The following TNPO1 variants were observed in gnomAD, a reference collection of about 807,000 sequenced individuals.
The protein encoded by TNPO1 is transportin-1.
A neutral mutation model predicts 119.5 loss-of-function variants in TNPO1; 8 were observed. The observed-to-expected ratio is 0.07, with a 90% CI of 0.04 to 0.12. TNPO1 has a LOEUF of 0.12. Ranked by LOEUF, TNPO1 falls within the 10% of genes least tolerant of loss-of-function variation. TNPO1 has a pLI of 1.00. For synonymous variants in TNPO1, 362 were observed against 363.0 expected, an observed-to-expected ratio of 1.00 and a Z score of 0.03; for missense variants, 576 against 1,089.8, an observed-to-expected ratio of 0.53 and a Z score of 6.64.
intron 9 of TNPO1, chr5:72,879,024 C>G: frequency 2.5e-6 from 1 of 397,590 alleles, no homozygotes; most frequent in South Asian, 2.0e-5. Context: ...CTGTGTTGTT[C>G]TTTGTTTTAT....
chr5:72,867,043 A>G (rs1245512053), intron 6 of TNPO1, among the ~76,000 whole-genome samples: 1 of 151,964 alleles, frequency 6.6e-6, no homozygotes. Context: ...AGCTGAGTGT[A>G]GTGGTGTATG....
intron 18 of TNPO1, among the ~76,000 whole-genome samples, chr5:72,893,959 T>TA (rs1349026719): frequency 6.6e-6 from 1 of 152,266 alleles, no homozygotes; most frequent in East Asian, 1.9e-4. Context: ...TACTTTAGAG[T>TA]AAAGGACATG....
intron 9 of TNPO1, among the ~76,000 whole-genome samples, chr5:72,880,364 T>C (rs573198592): frequency 1.3e-5 from 2 of 152,346 alleles, no homozygotes; most frequent in South Asian, 4.1e-4. Flanking sequence ...TTTACAAAAT[T>C]GTTTTGGCTT....
intron 24 of TNPO1, among the ~76,000 whole-genome samples, chr5:72,906,902 C>T (rs538366118): frequency 3.7e-4 from 56 of 152,316 alleles, no homozygotes; most frequent in African/African-American, 1.3e-3. Context: ...ACATATCTGA[C>T]TGGAAGCCAG....
chr5:72,820,718 A>G (rs1393153568), intron 1 of TNPO1, among the ~76,000 whole-genome samples: 2 of 152,164 alleles, frequency 1.3e-5, no homozygotes, highest in Non-Finnish European at 2.9e-5. Flanking sequence ...TTTATATCAT[A>G]TACATATTCA....
At chr5:72,828,504 G>T (rs116716714) in intron 1 of TNPO1, among the ~76,000 whole-genome samples, 1 of 151,826 alleles carries the variant, frequency 6.6e-6, no homozygotes, top group Non-Finnish European at 1.5e-5. Context: ...TGCTTCTCTC[G>T]CTGTCTCTAC....
At chr5:72,823,327 T>C (rs1744062240) in intron 1 of TNPO1, among the ~76,000 whole-genome samples, 9 of 152,148 alleles carry the variant, frequency 5.9e-5, no homozygotes, top group Admixed American at 5.9e-4. Flanking sequence ...TTGATAAGAA[T>C]GTACATAACT....
chr5:72,904,798 CG>C (rs1271983899), intron 23 of TNPO1, among the ~76,000 whole-genome samples: 3 of 151,918 alleles, frequency 2.0e-5, no homozygotes. Context: ...ACTCTGTCCC[CG>C]CCACACACAC....
chr5:72,891,003 A>G (rs1033924895), intron 14 of TNPO1, among the ~76,000 whole-genome samples: 1 of 151,916 alleles, frequency 6.6e-6, no homozygotes, highest in African/African-American at 2.4e-5. Context: ...ACAGGCGTGT[A>G]CCACCATTCC....
At chr5:72,820,095 T>C (rs889586274) in intron 1 of TNPO1, among the ~76,000 whole-genome samples, 4 of 152,234 alleles carry the variant, frequency 2.6e-5, no homozygotes, top group South Asian at 2.1e-4. Context: ...GTTGAGACTT[T>C]ACTATGTGAG....
At chr5:72,837,541 G>A (rs1744736958) in intron 1 of TNPO1, among the ~76,000 whole-genome samples, 2 of 152,166 alleles carry the variant, frequency 1.3e-5, no homozygotes, top group Admixed American at 6.5e-5. Context: ...AATTTTGGAG[G>A]GATACAAACA....
intron 3 of TNPO1, among the ~76,000 whole-genome samples, chr5:72,852,887 G>A (rs535044695): frequency 4.3e-4 from 66 of 152,226 alleles, no homozygotes; most frequent in African/African-American, 1.4e-3. Flanking sequence ...TGATATTTGC[G>A]ATACATTGCT....
At chr5:72,831,215 C>A (rs572074939) in intron 1 of TNPO1, among the ~76,000 whole-genome samples, 1 of 152,098 alleles carries the variant, frequency 6.6e-6, no homozygotes, top group South Asian at 2.1e-4. Context: ...GTCTCAAGAA[C>A]CATTGTAGAA....
At chr5:72,889,127 G>A (rs1748867894) in intron 13 of TNPO1, among the ~76,000 whole-genome samples, 1 of 152,004 alleles carries the variant, frequency 6.6e-6, no homozygotes. Flanking sequence ...GTGTGATCTT[G>A]GCTTACTGTA....
At position 72,841,266 on chromosome 5, in the gene TNPO1, CG is replaced by C. The variant is rs367740326; in HGVS notation, c.16-7118del. On this transcript the variant is annotated intron_variant, in intron 1 of 24. Coordinates refer to ENST00000337273, the MANE Select transcript of TNPO1 (RefSeq NM_002270.4). ...CTCCCTAGTAGGGATTACAGGCGCC[CG>C]CTACCACACCCAGCTAATGTTTTGT... Among the ~76,000 whole-genome samples the C allele has an allele frequency of 2.0e-3, 303 of 151,994 alleles. 3 individuals carry two copies. Among genetic ancestry groups the C allele is most frequent in the African/African-American group, 7.1e-3 (293 of 41,482 alleles).
intron 11 of TNPO1, among the ~76,000 whole-genome samples, chr5:72,885,675 A>G (rs1346605432): frequency 2.0e-5 from 3 of 151,002 alleles, no homozygotes; most frequent in Non-Finnish European, 2.9e-5. Flanking sequence ...TGGTATAACT[A>G]AGATCCTTAT....
At chr5:72,874,356 C>T (rs1461106923) in intron 7 of TNPO1, among the ~76,000 whole-genome samples, 2 of 152,084 alleles carry the variant, frequency 1.3e-5, no homozygotes, top group African/African-American at 4.8e-5. Flanking sequence ...TATTGGTTAC[C>T]AGTACATGGC....
At chr5:72,831,946 A>G (rs750180872) in intron 1 of TNPO1, among the ~76,000 whole-genome samples, 1 of 152,062 alleles carries the variant, frequency 6.6e-6, no homozygotes, top group Non-Finnish European at 1.5e-5. Flanking sequence ...CATTACAGAA[A>G]TTAACCTTCT....
chr5:72,884,002 G>T (rs1485354743), intron 11 of TNPO1, among the ~76,000 whole-genome samples: 2 of 151,842 alleles, frequency 1.3e-5, no homozygotes, highest in South Asian at 2.1e-4. Flanking sequence ...CACCCGCCTT[G>T]CCCTCCCAAA....
Sources: allele counts gnomAD v4.1 joint callset (sites outside exome capture counted in the v4.1 genomes callset), GRCh38; gene constraint gnomAD v4.1.1; transcripts MANE v1.5; gene names NCBI Gene and HGNC (gene_info 2026-07-23, HGNC 2026-07-21).